Variants in PUS7L observed in about 807,000 individuals in gnomAD.
PUS7L encodes the protein pseudouridine synthase 7 like, also known as pseudouridylate synthase PUS7L.
A neutral mutation model predicts 51.1 loss-of-function variants in PUS7L; 49 were observed. The observed-to-expected ratio is 0.96, with a 90% CI of 0.76 to 1.22. The LOEUF (loss-of-function observed/expected upper bound fraction) is 1.22. Among genes scored for constraint, PUS7L ranks in the 50% most tolerant of loss-of-function variants. The probability of loss-of-function intolerance (pLI) is 0.00; values close to 1 mark genes in which losing one functional copy is unlikely to be tolerated. For synonymous variants in PUS7L, 277 were observed against 276.2 expected, an observed-to-expected ratio of 1.00 and a Z score of -0.03; for missense variants, 828 against 820.6, an observed-to-expected ratio of 1.01 and a Z score of -0.11.
At chr12:43,744,902 A>T (rs1938091550) in intron 4 of PUS7L, among the ~76,000 whole-genome samples, 1 of 152,212 alleles carries the variant, frequency 6.6e-6, no homozygotes, top group African/African-American at 2.4e-5. Context: ...TCAGGAGTAG[A>T]TATCAATGGG....
rs1383152128 is a variant in PUS7L at position 43,722,382 on chromosome 12, T to A, written c.*7994A>T. ...AGAGTGAAAAACGAAGGCCACCCAGTTAGAACATTATTATAATCATCAAAA... is the reference window on the plus strand; with the variant it reads ...AGAGTGAAAAACGAAGGCCACCCAGATAGAACATTATTATAATCATCAAAA... On this transcript the variant is annotated 3_prime_UTR_variant, in exon 9 of 9. Transcript: ENST00000344862. 6.6e-6 allele frequency: 1 copy of A among 152,142 alleles called. No individual in the cohort carries two copies. The allele number at this position is 152,142 out of a possible 1,614,324, so 9.4% of individuals were successfully genotyped here. A position where few individuals can be genotyped will look rare whatever the true frequency, so the allele number is the denominator to read the frequency against.
Position 43,738,356 on chromosome 12 carries a change from G to T in PUS7L, c.1398C>A (p.Asp466Glu). The change falls in exon 6 of 9, where the codon GAC (aspartate) becomes GAA (glutamate). Residue 466 changes from aspartate (D) to glutamate (E), a missense_variant. By Grantham distance (45) the Asp-to-Glu change is conservative (BLOSUM62 2). Transcript: ENST00000344862. ...KAIKLFLTPE[D>E]LDDPVNRAKK... ...TTGCTCTATTTACAGGATCATCCAA[G>T]TCTTCTGGTGTAAGAAACAATTTTA... 6.3e-7 allele frequency: 1 copy of T among 1,595,782 alleles called. No homozygotes were observed.
rs1938153324 is a variant in PUS7L at position 43,746,073 on chromosome 12, T to C, written c.1236A>G (p.Arg412=). ...QINDSANLRE[R]IMEAIENVKK... is the part of the protein sequence containing the mutation. The stretch of plus-strand genomic sequence containing the variant: ...TAACATTTTCTATTGCTTCCATAAT[T>C]CTCTCCCTCAGGTTTGCAGAATCAT... Residue 412 remains arginine, a synonymous_variant, in exon 4 of 9, where the codon AGA becomes AGG. Coordinates refer to ENST00000344862, the MANE Select transcript of PUS7L (RefSeq NM_031292.5). 1 of 1,512,308 alleles carries C rather than the reference T, an allele frequency of 6.6e-7. No individual in the cohort carries two copies. Among genetic ancestry groups the C allele is most frequent in the Non-Finnish European group, 9.1e-7 (1 of 1,100,936 alleles). The allele number at this position is 1,512,308 out of a possible 1,614,324, so 93.7% of individuals were successfully genotyped here.
chr12:43,748,706 A>AT, intron 2 of PUS7L, 97 bp from the exon 3 acceptor site: 1 of 996,628 alleles, frequency 1.0e-6, no homozygotes, highest in Non-Finnish European at 1.4e-6. Flanking sequence ...CAAACTATTA[A>AT]TCTAAGGAGT....
Position 43,730,611 on chromosome 12 carries a change from T to C in PUS7L, c.1871A>G (p.Gln624Arg). ...AGTAGGTACTTTAAACCTACATGTCTGTAGTCCATCTCTGCTAAGTATGTC... is the reference window on the plus strand; with the variant it reads ...AGTAGGTACTTTAAACCTACATGTCCGTAGTCCATCTCTGCTAAGTATGTC... ...YHDILSRDGL[Q>R]TCRFKVPTLK... The change falls in exon 9 of 9, where the codon CAG (glutamine) becomes CGG (arginine). Residue 624 changes from glutamine (Q) to arginine (R), a missense_variant. Physicochemically the swap from Gln to Arg is conservative, Grantham distance 43. Coordinates refer to ENST00000344862, the MANE Select transcript of PUS7L (RefSeq NM_031292.5). The C allele has an allele frequency of 6.2e-7, 1 of 1,613,532 alleles. No individual in the cohort carries two copies. Among genetic ancestry groups the C allele is most frequent in the Non-Finnish European group, 8.5e-7 (1 of 1,179,502 alleles).
At chr12:43,743,526 G>A (rs951196908) in intron 4 of PUS7L, among the ~76,000 whole-genome samples, 8 of 152,236 alleles carry the variant, frequency 5.3e-5, no homozygotes, top group African/African-American at 1.7e-4. Context: ...CACTTTGGGA[G>A]GCCAAGGCCG....
Position 43,724,896 on chromosome 12 carries a change from C to T in PUS7L, c.*5480G>A, listed in dbSNP as rs2137645042. 1 of 152,230 alleles carries T rather than the reference C, an allele frequency of 6.6e-6. No homozygotes were observed. Among genetic ancestry groups the T allele is most frequent in the South Asian group, 2.1e-4 (1 of 4,822 alleles). 9.4% of individuals were successfully genotyped at this position (152,230 alleles called of 1,614,324 possible). A position where few individuals can be genotyped will look rare whatever the true frequency, so the allele number is the denominator to read the frequency against. On this transcript the variant is annotated 3_prime_UTR_variant, in exon 9 of 9. Coordinates refer to ENST00000344862, the MANE Select transcript of PUS7L (RefSeq NM_031292.5). ...AGGAAACATAATACCATCACATAAA[C>T]AGGAAGCCAGAATTGATTACCATAA...
rs2137651972 is a variant in PUS7L, at chr12:43,728,464, T to C, written c.*1912A>G. 1 of 152,146 alleles carries C rather than the reference T, an allele frequency of 6.6e-6. No homozygotes were observed. The highest frequency in any genetic ancestry group is 1.9e-4 in the East Asian group (1 of 5,196). The allele number at this position is 152,146 out of a possible 1,614,324, so 9.4% of individuals were successfully genotyped here. A position where few individuals can be genotyped will look rare whatever the true frequency, so the allele number is the denominator to read the frequency against. On this transcript the variant is annotated 3_prime_UTR_variant, in exon 9 of 9. Transcript: ENST00000344862. ...GTATATAACTCATTTTATGATTACA[T>C]TTATAGGATACGATTTATCATATAA...
At chr12:43,749,697 C>G (rs780535420) in intron 2 of PUS7L, among the ~76,000 whole-genome samples, 2 of 152,040 alleles carry the variant, frequency 1.3e-5, no homozygotes, top group Admixed American at 6.6e-5. Context: ...ACATATACAC[C>G]ATGAAATACT....
chr12:43,742,395 T>A, intron 5 of PUS7L, 62 bp downstream of exon 5: 1 of 1,135,354 alleles, frequency 8.8e-7, no homozygotes, highest in East Asian at 2.4e-5. Context: ...AGCAAGGAGC[T>A]GGGTTATGTA....
chr12:43,733,148 A>AG (rs1418962069), intron 7 of PUS7L, among the ~76,000 whole-genome samples: 6 of 150,840 alleles, frequency 4.0e-5, no homozygotes, highest in African/African-American at 1.5e-4. Flanking sequence ...TTAATTGTCT[A>AG]ACTCACATTT....
rs1366582771 is a variant in PUS7L, at chr12:43,729,775, A to C, written c.*601T>G. 1 of 152,464 alleles carries C rather than the reference A, an allele frequency of 6.6e-6. No individual in the cohort carries two copies. The highest frequency in any genetic ancestry group is 1.9e-4 in the East Asian group (1 of 5,204). 9.4% of individuals were successfully genotyped at this position (152,464 alleles called of 1,614,324 possible). On this transcript the variant is annotated 3_prime_UTR_variant, in exon 9 of 9. Transcript: ENST00000344862. ...TGGTCAAGAGGGTCAGCGTATGCCA[A>C]GATATAAAAATTGGATGAGAAATTG...
chr12:43,753,176 TACTATATGCCTA>T (rs1353824228), intron 2 of PUS7L, among the ~76,000 whole-genome samples: 1 of 152,208 alleles, frequency 6.6e-6, no homozygotes, highest in Non-Finnish European at 1.5e-5. Context: ...TGTTAACACT[TACTATATGCCTA>T]ATATTAAGTA....
chr12:43,748,185 CA>C (rs1252689153), intron 3 of PUS7L, among the ~76,000 whole-genome samples: 1 of 151,946 alleles, frequency 6.6e-6, no homozygotes, highest in Non-Finnish European at 1.5e-5. Context: ...TTTACAGTAA[CA>C]AAAAAATTTG....
chr12:43,734,728 T>C (rs929297501), intron 7 of PUS7L, among the ~76,000 whole-genome samples: 5 of 152,112 alleles, frequency 3.3e-5, no homozygotes, highest in African/African-American at 1.2e-4. Flanking sequence ...ATTCCACTAC[T>C]TGTGTGACTC....
rs867237737 is a variant in PUS7L, at chr12:43,727,028, G to C, written c.*3348C>G. ...TTATCCCATTAAAAACGGAAGAAAG[G>C]ACATGAACAGACACTTCTCAAAAGA... On this transcript the variant is annotated 3_prime_UTR_variant, in exon 9 of 9. Transcript: ENST00000344862. 1.3e-5 allele frequency: 2 copies of C among 151,968 alleles called. No homozygotes were observed. Among genetic ancestry groups the C allele is most frequent in the African/African-American group, 4.8e-5 (2 of 41,344 alleles). The allele number at this position is 151,968 out of a possible 1,614,324, so 9.4% of individuals were successfully genotyped here.
Position 43,736,604 on chromosome 12 carries a change from A to G in PUS7L, c.1502T>C (p.Leu501Ser), listed in dbSNP as rs1222794018. 4.3e-6 allele frequency: 7 copies of G among 1,614,062 alleles called. No homozygotes were observed. In the African/African-American group the frequency reaches 6.7e-5, roughly 15 times the overall value. The change falls in exon 7 of 9, where the codon TTG becomes TCG. Residue 501 changes from leucine (L) to serine (S), a missense_variant. By Grantham distance (145) the Leu-to-Ser change is moderately radical. Coordinates refer to ENST00000344862, the MANE Select transcript of PUS7L (RefSeq NM_031292.5). ...GCCAAAGCGGTGCAATGCCTCCAAC[A>G]ATGCTCTCTCACGCACTTTGAATTC... Reference protein sequence around the residue: ...MPEFKVRERALLEALHRFGMT... With the variant: ...MPEFKVRERASLEALHRFGMT...
At position 43,742,485 on chromosome 12, in the gene PUS7L, A is replaced by G. The variant is rs1327318322; in HGVS notation, c.1334T>C (p.Ile445Thr). ...GKGRKVHTDQ[I>T]GLALLKNEMM... ...TTCATTCTTCAGCAAAGCTAGTCCAATTTGGTCTGTGTGAACTTTCCTTCC... is the reference window on the plus strand; with the variant it reads ...TTCATTCTTCAGCAAAGCTAGTCCAGTTTGGTCTGTGTGAACTTTCCTTCC... Residue 445 changes from isoleucine to threonine, a missense_variant, in exon 5 of 9, where the codon ATT becomes ACT. Coordinates refer to ENST00000344862, the MANE Select transcript of PUS7L (RefSeq NM_031292.5). 2 of 1,610,230 alleles carry G rather than the reference A, an allele frequency of 1.2e-6. No homozygotes were observed. The highest frequency in any genetic ancestry group is 2.2e-5 in the South Asian group (2 of 90,418).
chr12:43,738,792 T>C, intron 5 of PUS7L: 1 of 281,870 alleles, frequency 3.5e-6, no homozygotes, highest in South Asian at 5.3e-5. Flanking sequence ...TTAGCAAGTA[T>C]TATAAATAGT....
Sources: gnomAD v4.1 joint callset for allele counts (sites outside exome capture counted in the v4.1 genomes callset) on GRCh38, gnomAD v4.1.1 for gene constraint, MANE v1.5 for transcripts, NCBI Gene and HGNC (gene_info 2026-07-23, HGNC 2026-07-21) for gene names.